The following NOTCH2 variants were observed in gnomAD, a reference collection of about 807,000 sequenced individuals.
NOTCH2 encodes notch receptor 2.
A neutral mutation model predicts 235.8 loss-of-function variants in NOTCH2; 29 were observed. The observed-to-expected ratio is 0.12, with a 90% confidence interval of 0.09 to 0.17. The LOEUF is 0.17. Ranked by LOEUF, NOTCH2 falls within the 10% of genes least tolerant of loss-of-function variation. The probability of loss-of-function intolerance (pLI) is 1.00; values close to 1 mark genes in which losing one functional copy is unlikely to be tolerated. For synonymous variants in NOTCH2, 1,086 were observed against 1,141.5 expected (o/e 0.95, Z 0.98); for missense variants, 2,285 against 3,150.2 (o/e 0.73, Z 6.57).
intron 17 of NOTCH2, among the ~76,000 whole-genome samples, chr1:119,942,130 T>C (rs1207427780): frequency 6.6e-6 from 1 of 152,180 alleles, no homozygotes; most frequent in Non-Finnish European, 1.5e-5. Flanking sequence ...AATACACATA[T>C]TCATGTTTTT....
At chr1:120,038,918 T>A (rs1206128463) in intron 1 of NOTCH2, among the ~76,000 whole-genome samples, 2 of 152,012 alleles carry the variant, frequency 1.3e-5, no homozygotes, top group African/African-American at 4.8e-5. Flanking sequence ...AAGCCATGTG[T>A]ATTATGGTAA....
chr1:119,916,246 G>A lies in NOTCH2; in HGVS notation c.6476C>T (p.Thr2159Met), dbSNP rs755184344. ...AGAGGATGTGGTGTCGGAAACATAC[G>A]TGTGAGGAGATTCTAGGGAATCAAC... The part of the protein sequence containing the change: ...SPVDSLESPH[T>M]YVSDTTSSPM... Residue 2159 changes from threonine (T) to methionine (M), a missense_variant, in exon 34 of 34, where the codon ACG (threonine) becomes ATG (methionine). This residue lies in a region of NOTCH2 where 504 missense variants were observed against 538.0 expected (regional missense o/e 0.94). Coordinates refer to ENST00000256646, the MANE Select transcript of NOTCH2 (RefSeq NM_024408.4). 28 of 1,614,098 alleles carry A rather than the reference G, an allele frequency of 1.7e-5. No individual in the cohort carries two copies. The highest frequency in any genetic ancestry group is 1.2e-4 in the South Asian group (11 of 91,086).
In NOTCH2 at chr1:119,955,111, G is replaced by T; in HGVS notation, c.2148C>A (p.Ser716Arg). ...CICPEGPHHP[S>R]CYSQVNECLS... ...GGCATTCGTTCACCTGTGAGTAGCA[G>T]CTGGGGTGATGGGGTCCCTCGGGGC... The change falls in exon 13 of 34, where the codon AGC (serine) becomes AGA (arginine). Residue 716 changes from serine to arginine, a missense_variant. Transcript: ENST00000256646. 6.2e-7 allele frequency: 1 copy of T among 1,614,168 alleles called. No individual in the cohort carries two copies. The highest frequency in any genetic ancestry group is 2.2e-5 in the East Asian group (1 of 44,880).
Position 119,920,356 on chromosome 1 carries a change from A to G in NOTCH2, c.5352T>C (p.Ile1784=). The G allele has an allele frequency of 3.1e-6, 5 of 1,614,192 alleles. No homozygotes were observed. The highest frequency in any genetic ancestry group is 4.2e-6 in the Non-Finnish European group (5 of 1,180,026). The change falls in exon 30 of 34, where the codon ATT becomes ATC. Residue 1784 remains isoleucine, a synonymous_variant. Coordinates refer to ENST00000256646, the MANE Select transcript of NOTCH2 (RefSeq NM_024408.4). ...GCTGCTGTGTCCATGGCCGTCGATC[A>G]ATGGGGTCATCTTCTTCTGAGAGTA... ...EALLSEEDDP[I]DRRPWTQQHL...
intron 2 of NOTCH2, among the ~76,000 whole-genome samples, chr1:120,011,685 T>C (rs1168558777): frequency 6.6e-6 from 1 of 152,056 alleles, no homozygotes; most frequent in Non-Finnish European, 1.5e-5. Context: ...ATAATCTCCA[T>C]TTTATATATG....
rs1241715192 is a variant in NOTCH2, at chr1:119,923,857, G to C, written c.4639C>G (p.Leu1547Val). The change falls in exon 26 of 34, where the codon CTG (leucine) becomes GTG (valine). Residue 1547 changes from leucine (L) to valine (V), a missense_variant. Leu to Val is a conservative substitution (Grantham distance 32, BLOSUM62 1). Coordinates refer to ENST00000256646, the MANE Select transcript of NOTCH2 (RefSeq NM_024408.4). ...DQPENLAEGT[L>V]VIVVLMPPEQ... ...GGTGGCATCAATACCACAATAACCA[G>C]GGTACCTTCTGCCAGGTTCTCAGGT... The C allele has an allele frequency of 1.9e-6, 3 of 1,614,050 alleles. No individual in the cohort carries two copies. The highest frequency in any genetic ancestry group is 2.7e-5 in the African/African-American group (2 of 74,894).
At chr1:119,983,152 C>T (rs1651875681) in intron 5 of NOTCH2, among the ~76,000 whole-genome samples, 1 of 151,392 alleles carries the variant, frequency 6.6e-6, no homozygotes, top group Non-Finnish European at 1.5e-5. Context: ...AGCATCTAAT[C>T]AATATTTAAA....
intron 5 of NOTCH2, among the ~76,000 whole-genome samples, chr1:119,981,539 G>A (rs144300122): frequency 1.1e-4 from 16 of 152,236 alleles, no homozygotes; most frequent in Non-Finnish European, 1.9e-4. Context: ...AAACTGGATC[G>A]TGCCTGTAAC....
At chr1:119,937,140 T>C in intron 21 of NOTCH2, 142 bp downstream of exon 21, 3 of 843,564 alleles carry the variant, frequency 3.6e-6, no homozygotes, top group Non-Finnish European at 5.9e-6. Flanking sequence ...AAAGAAACAG[T>C]GGTAAACATT....
chr1:119,916,759 C>G, intron 33 of NOTCH2, 65 bp from the exon 34 acceptor site: 1 of 1,532,742 alleles, frequency 6.5e-7, no homozygotes, highest in Non-Finnish European at 9.0e-7. Context: ...CAGTTTTTCT[C>G]AATCTTTTTT....
At chr1:119,936,855 A>AT (rs587719963) in intron 21 of NOTCH2, among the ~76,000 whole-genome samples, 7,981 of 147,674 alleles carry the variant, frequency 0.054, 646 homozygotes, top group African/African-American at 0.18. Flanking sequence ...GATGAGCAAC[A>AT]TTTTTTTTTT....
intron 14 of NOTCH2, among the ~76,000 whole-genome samples, chr1:119,952,250 CAT>C (rs1650503579): frequency 6.6e-6 from 1 of 152,192 alleles, no homozygotes. Context: ...AGTCCCTCAG[CAT>C]TTTTGGCACC....
At chr1:119,980,932 T>C (rs1651789566) in intron 5 of NOTCH2, among the ~76,000 whole-genome samples, 1 of 152,150 alleles carries the variant, frequency 6.6e-6, no homozygotes, top group East Asian at 1.9e-4. Context: ...TTTCTCACTT[T>C]CCTTCTTTGG....
chr1:119,911,806 G>C lies in NOTCH2; in HGVS notation c.*3500C>G, dbSNP rs984928619. ...GCACCTTGTCCCTGAGCAACCATCT[G>C]TTTGTCACCAGCTATGGCTAGTGCA... On this transcript the variant is annotated 3_prime_UTR_variant, in exon 34 of 34. Coordinates refer to ENST00000256646, the MANE Select transcript of NOTCH2 (RefSeq NM_024408.4). 3.9e-5 allele frequency: 9 copies of C among 233,122 alleles called. No homozygotes were observed. The highest frequency in any genetic ancestry group is 7.6e-5 in the Non-Finnish European group (9 of 118,040). The allele number at this position is 233,122 out of a possible 1,614,324, so 14.4% of individuals were successfully genotyped here. A position where few individuals can be genotyped will look rare whatever the true frequency, so the allele number is the denominator to read the frequency against.
intron 22 of NOTCH2, among the ~76,000 whole-genome samples, chr1:119,930,923 C>G (rs1649630537): frequency 6.6e-6 from 1 of 151,550 alleles, no homozygotes; most frequent in African/African-American, 2.4e-5. Context: ...ATGGTGAAAC[C>G]CCGTCTCCAC....
chr1:119,985,397 C>T (rs1651977311), intron 5 of NOTCH2, among the ~76,000 whole-genome samples: 2 of 152,282 alleles, frequency 1.3e-5, no homozygotes, highest in South Asian at 4.1e-4. Flanking sequence ...CGAAAAGAGG[C>T]ATTTATTAAA....
intron 4 of NOTCH2, among the ~76,000 whole-genome samples, chr1:119,987,937 T>C (rs1312880448): frequency 6.6e-6 from 1 of 152,208 alleles, no homozygotes; most frequent in African/African-American, 2.4e-5. Context: ...TTGTAGTTTA[T>C]ATGTTGGGCC....
chr1:120,015,236 G>A (rs1553207773), intron 2 of NOTCH2, among the ~76,000 whole-genome samples: 1 of 152,120 alleles, frequency 6.6e-6, no homozygotes, highest in African/African-American at 2.4e-5. Flanking sequence ...CTCCCTCTGG[G>A]CTAGTTTCCA....
chr1:119,963,600 T>C lies in NOTCH2; in HGVS notation c.1889A>G (p.Gln630Arg). 6.2e-7 allele frequency: 1 copy of C among 1,614,128 alleles called. No homozygotes were observed. Among genetic ancestry groups the C allele is most frequent in the Non-Finnish European group, 8.5e-7 (1 of 1,179,964 alleles). The change falls in exon 11 of 34, where the codon CAG (glutamine) becomes CGG (arginine). Residue 630 changes from glutamine (Q) to arginine (R), a missense_variant. This residue lies in a region of NOTCH2 where 431 missense variants were observed against 757.8 expected (regional missense o/e 0.57). Coordinates refer to ENST00000256646, the MANE Select transcript of NOTCH2 (RefSeq NM_024408.4). ...TGACGTGCCTGGCTGGCAGTTGCAC[T>C]GGTAGCCATTGACCAGGTCAATGCA... is the stretch of plus-strand genomic sequence containing the variant. Reference protein sequence around the residue: ...GRCIDLVNGYQCNCQPGTSGV... With the variant: ...GRCIDLVNGYRCNCQPGTSGV...
Sources: allele counts gnomAD v4.1 joint callset (sites outside exome capture counted in the v4.1 genomes callset), GRCh38; gene constraint gnomAD v4.1.1; regional missense constraint gnomAD v4.1.1; transcripts MANE v1.5; gene names NCBI Gene and HGNC (gene_info 2026-07-23, HGNC 2026-07-21).